The following RAB43 variants were observed in gnomAD, a reference collection of about 807,000 sequenced individuals.
The protein encoded by RAB43 is RAB43, member RAS oncogene family.
A neutral mutation model predicts 18.8 loss-of-function variants in RAB43; 6 were observed. The observed-to-expected ratio is 0.32, with a 90% CI of 0.17 to 0.63. RAB43 has a LOEUF of 0.63. Ranked by LOEUF, RAB43 falls within the 30% of genes least tolerant of loss-of-function variation. The pLI is 0.79. For missense variants in RAB43, 195 were observed against 289.1 expected, an observed-to-expected ratio of 0.67 and a Z score of 2.36; for synonymous variants, 103 against 124.1, an observed-to-expected ratio of 0.83 and a Z score of 1.13.
intron 1 of RAB43, among the ~76,000 whole-genome samples, chr3:129,101,472 G>A (rs1014041035): frequency 7.9e-5 from 12 of 152,160 alleles, no homozygotes; most frequent in Non-Finnish European, 1.3e-4. Flanking sequence ...GATCCTTTTA[G>A]AAGGTGATCA....
chr3:129,121,371 G>A lies in RAB43; in HGVS notation c.119C>T (p.Thr40Ile). The A allele has an allele frequency of 1.2e-6, 2 of 1,611,854 alleles. No homozygotes were observed. Among genetic ancestry groups the A allele is most frequent in the Non-Finnish European group, 1.7e-6 (2 of 1,179,094 alleles). ...TCCCTGGCGCTCCGAGAAGGCGCCG[G>A]TCTTGAAGCGCTGCACCACGCACGT... ...GKTCVVQRFK[T>I]GAFSERQGST... Residue 40 changes from threonine (T) to isoleucine (I), a missense_variant, in exon 1 of 3, where the codon ACC (threonine) becomes ATC (isoleucine). Transcript: ENST00000315150.
chr3:129,099,038 A>G (rs1934242993), intron 1 of RAB43, among the ~76,000 whole-genome samples: 1 of 151,958 alleles, frequency 6.6e-6, no homozygotes, highest in South Asian at 2.1e-4. Context: ...ACGCTACTGC[A>G]CTCCAGCCTG....
chr3:129,106,117 T>G (rs934572325), intron 1 of RAB43, among the ~76,000 whole-genome samples: 4 of 152,232 alleles, frequency 2.6e-5, no homozygotes, highest in African/African-American at 9.6e-5. Flanking sequence ...AAATCAATCC[T>G]GCTTACTAGG....
chr3:129,110,861 A>G (rs1163433225), intron 1 of RAB43, among the ~76,000 whole-genome samples: 2 of 152,110 alleles, frequency 1.3e-5, no homozygotes, highest in Non-Finnish European at 2.9e-5. Context: ...AAGTGGGGGA[A>G]TTTTTATCAT....
At chr3:129,094,928 G>A in intron 2 of RAB43, 58 bp downstream of exon 2, 2 of 1,567,682 alleles carry the variant, frequency 1.3e-6, no homozygotes, top group Admixed American at 3.6e-5. Context: ...AAAAAGCAGA[G>A]GGAGGCATGG....
At chr3:129,101,102 G>C (rs896481003) in intron 1 of RAB43, among the ~76,000 whole-genome samples, 1 of 152,130 alleles carries the variant, frequency 6.6e-6, no homozygotes, top group Non-Finnish European at 1.5e-5. Context: ...CACTGCGCCC[G>C]GCCATTCTGT....
intron 1 of RAB43, among the ~76,000 whole-genome samples, chr3:129,121,068 G>GCCCCCCCCCCCCCCCCC (rs56235562): frequency 2.4e-5 from 2 of 82,150 alleles, no homozygotes; most frequent in African/African-American, 1.1e-4. Flanking sequence ...ACACTCCCTC[G>GCCCCCCCCCCCCCCCCC]CCCCCCCCCC....
chr3:129,104,796 A>G (rs1934650177), intron 1 of RAB43, among the ~76,000 whole-genome samples: 1 of 152,254 alleles, frequency 6.6e-6, no homozygotes, highest in Non-Finnish European at 1.5e-5. Flanking sequence ...ATGACAAGGC[A>G]GTGCTGTTCT....
chr3:129,111,106 G>C (rs1935138856), intron 1 of RAB43, among the ~76,000 whole-genome samples: 1 of 152,060 alleles, frequency 6.6e-6, no homozygotes, highest in African/African-American at 2.4e-5. Context: ...CGAATTCCTA[G>C]GTGGTCTCCT....
intron 1 of RAB43, among the ~76,000 whole-genome samples, chr3:129,112,088 A>G (rs1368986427): frequency 6.6e-6 from 1 of 152,092 alleles, no homozygotes; most frequent in African/African-American, 2.4e-5. Flanking sequence ...ATCTATCTCT[A>G]CTAAAAATAC....
intron 1 of RAB43, among the ~76,000 whole-genome samples, chr3:129,116,278 A>G (rs989263398): frequency 6.6e-6 from 1 of 152,128 alleles, no homozygotes; most frequent in African/African-American, 2.4e-5. Flanking sequence ...TCTTTCCACT[A>G]TCTCTCCACC....
rs377336442 is a variant in RAB43 at position 129,091,361 on chromosome 3, C to T, written c.389-15G>A. On this transcript the variant is annotated splice_polypyrimidine_tract_variant and intron_variant, in intron 2 of 2. Coordinates refer to ENST00000315150, the MANE Select transcript of RAB43 (RefSeq NM_198490.3). ...TGACTTGTTCCCTGCGGAGGAAAGCCGGGGCAGCATGAGGCCATGGGGGCT... is the reference window on the plus strand; with the variant it reads ...TGACTTGTTCCCTGCGGAGGAAAGCTGGGGCAGCATGAGGCCATGGGGGCT... 172 of 1,604,744 alleles carry T rather than the reference C, an allele frequency of 1.1e-4. No homozygotes were observed. In the East Asian group the frequency reaches 1.1e-3, roughly 10 times the overall value.
chr3:129,097,898 C>T (rs1214570896), intron 1 of RAB43, among the ~76,000 whole-genome samples: 3 of 152,130 alleles, frequency 2.0e-5, no homozygotes, highest in Non-Finnish European at 4.4e-5. Flanking sequence ...CATTGTGACA[C>T]TCTACCTGGG....
intron 1 of RAB43, among the ~76,000 whole-genome samples, chr3:129,116,808 A>G (rs1399486620): frequency 6.6e-6 from 1 of 152,172 alleles, no homozygotes; most frequent in Non-Finnish European, 1.5e-5. Context: ...GCTGGACTTG[A>G]GGCCGGTGTG....
intron 2 of RAB43, among the ~76,000 whole-genome samples, chr3:129,092,927 G>C (rs1933773959): frequency 6.6e-6 from 1 of 151,468 alleles, no homozygotes; most frequent in Non-Finnish European, 1.5e-5. Context: ...CTGCACTCCA[G>C]TCTGGGCGAC....
At chr3:129,100,883 C>T (rs191048932) in intron 1 of RAB43, among the ~76,000 whole-genome samples, 2 of 152,146 alleles carry the variant, frequency 1.3e-5, no homozygotes, top group Non-Finnish European at 1.5e-5. Flanking sequence ...CTCTGCTCAC[C>T]GCAACCTCTG....
intron 1 of RAB43, among the ~76,000 whole-genome samples, chr3:129,105,046 T>C (rs959237642): frequency 6.6e-6 from 1 of 152,212 alleles, no homozygotes; most frequent in African/African-American, 2.4e-5. Context: ...TCCCGCACTA[T>C]TGGGCTTTGG....
chr3:129,107,719 T>C lies in RAB43; in HGVS notation c.205-12550A>G, dbSNP rs1004762866. Among the ~76,000 whole-genome samples, 4 of 152,004 alleles carry C rather than the reference T, an allele frequency of 2.6e-5. No homozygotes were observed. The highest frequency in any genetic ancestry group is 9.7e-5 in the African/African-American group (4 of 41,382). On this transcript the variant is annotated intron_variant, in intron 1 of 2. Transcript: ENST00000315150. The surrounding 1 kb of genome is among the most constrained non-coding windows in gnomAD (Gnocchi z 4.2). ...ATTCCCGTAAACCCCACACCTCTTTTCCCCAAATTCCTCCGCTGCAAGGGC... is the reference window on the plus strand; with the variant it reads ...ATTCCCGTAAACCCCACACCTCTTTCCCCCAAATTCCTCCGCTGCAAGGGC...
rs1379962843 is a variant in RAB43, at chr3:129,095,064, T to G, written c.310A>C (p.Ser104Arg). 2.5e-6 allele frequency: 4 copies of G among 1,613,920 alleles called. No homozygotes were observed. Among genetic ancestry groups the G allele is most frequent in the Middle Eastern group, 1.6e-4 (1 of 6,062 alleles). The change falls in exon 2 of 3, where the codon AGC (serine) becomes CGC (arginine). Residue 104 changes from serine (S) to arginine (R), a missense_variant. By Grantham distance (110) the Ser-to-Arg change is moderately radical. Transcript: ENST00000315150. This position sits in a 1 kb window ranked among gnomAD's most constrained non-coding sequence, Gnocchi z 4.2. ...CAGTGAGGCACCGACAGGAAGGAGC[T>G]CCTCTTGGTGATGTCGTAGGCAAGG... ...AILAYDITKR[S>R]SFLSVPHWIE...
Sources: gnomAD v4.1 joint callset for allele counts (sites outside exome capture counted in the v4.1 genomes callset) on GRCh38, gnomAD v4.1.1 for gene constraint, Gnocchi (gnomAD v3.1) non-coding constraint, MANE v1.5 for transcripts, NCBI Gene and HGNC (gene_info 2026-07-23, HGNC 2026-07-21) for gene names.